The following NEDD9 variants were observed in gnomAD, a reference collection of about 807,000 sequenced individuals.
The protein encoded by NEDD9 is enhancer of filamentation 1.
In NEDD9, 26 loss-of-function variants were observed where a neutral mutation model predicts 76.6. That is an observed-to-expected ratio of 0.34 (90% CI 0.25 to 0.47). The LOEUF is 0.47. NEDD9 is among the 20% of genes least tolerant of loss of function. NEDD9 has a pLI of 1.00. For synonymous variants in NEDD9, 392 were observed against 414.2 expected, an observed-to-expected ratio of 0.95 and a Z score of 0.65; for missense variants, 937 against 1,058.5, an observed-to-expected ratio of 0.89 and a Z score of 1.59.
Position 11,213,180 on chromosome 6 carries a change from G to T in NEDD9, c.459+101C>A. 1.8e-6 allele frequency: 2 copies of T among 1,095,378 alleles called. No individual in the cohort carries two copies. Among genetic ancestry groups the T allele is most frequent in the Non-Finnish European group, 2.6e-6 (2 of 769,780 alleles). 67.9% of individuals were successfully genotyped at this position (1,095,378 alleles called of 1,614,324 possible). On this transcript the variant is annotated intron_variant, in intron 2 of 6. Transcript: ENST00000379446. The surrounding 1 kb of genome is among the most constrained non-coding windows in gnomAD (Gnocchi z 5.4). Reference sequence around the variant, plus strand: ...AAGGTATTGGTTATATCTACTTCTTGGCAGCTTCAAGTTATTAATTTGGGA... The same window carrying T: ...AAGGTATTGGTTATATCTACTTCTTTGCAGCTTCAAGTTATTAATTTGGGA...
intron 3 of NEDD9, among the ~76,000 whole-genome samples, chr6:11,269,401 T>C (rs10947076): frequency 0.2 from 31,013 of 152,226 alleles, 3,726 homozygotes; most frequent in African/African-American, 0.34. Context: ...ATCTAGTTTA[T>C]GGACTATTTC....
At chr6:11,373,413 C>G (rs1244155976) in intron 1 of NEDD9, among the ~76,000 whole-genome samples, 1 of 152,204 alleles carries the variant, frequency 6.6e-6, no homozygotes, top group Non-Finnish European at 1.5e-5. Flanking sequence ...CCTCTTTTCA[C>G]TATACCCCAA....
intron 1 of NEDD9, among the ~76,000 whole-genome samples, chr6:11,337,412 C>T (rs1762184573): frequency 1.3e-5 from 2 of 152,118 alleles, no homozygotes; most frequent in African/African-American, 4.8e-5. Flanking sequence ...AGACTGTACA[C>T]AATTATATGT....
intron 2 of NEDD9, among the ~76,000 whole-genome samples, chr6:11,317,038 C>G (rs1329879706): frequency 6.6e-6 from 1 of 152,084 alleles, no homozygotes; most frequent in Non-Finnish European, 1.5e-5. Context: ...GTCTGAGATT[C>G]AGAGAGAGAG....
At chr6:11,378,380 C>T (rs1016102582) in intron 1 of NEDD9, among the ~76,000 whole-genome samples, 3 of 152,148 alleles carry the variant, frequency 2.0e-5, no homozygotes, top group Non-Finnish European at 4.4e-5. Context: ...AAGCAGATGC[C>T]AGCACCATGC....
chr6:11,251,002 C>A (rs1759903724), intron 3 of NEDD9, among the ~76,000 whole-genome samples: 1 of 152,114 alleles, frequency 6.6e-6, no homozygotes, highest in Admixed American at 6.5e-5. Flanking sequence ...CAGAATTTTT[C>A]TGCTGTAAGG....
At chr6:11,353,526 G>A (rs1469992601) in intron 1 of NEDD9, among the ~76,000 whole-genome samples, 3 of 152,172 alleles carry the variant, frequency 2.0e-5, no homozygotes, top group South Asian at 2.1e-4. Context: ...AAAGAGCGTG[G>A]CCCTGCCAGC....
At chr6:11,265,039 C>A (rs1019089252) in intron 3 of NEDD9, among the ~76,000 whole-genome samples, 4 of 152,186 alleles carry the variant, frequency 2.6e-5, no homozygotes, top group Non-Finnish European at 5.9e-5. Flanking sequence ...TTATAGGGAC[C>A]TTTTAAGAAC....
chr6:11,267,544 C>T (rs1760222882), intron 3 of NEDD9, among the ~76,000 whole-genome samples: 2 of 152,112 alleles, frequency 1.3e-5, no homozygotes, highest in Non-Finnish European at 2.9e-5. Context: ...GAAAGCTGGG[C>T]TTTTAAGGCT....
intron 6 of NEDD9, among the ~76,000 whole-genome samples, chr6:11,187,849 C>A (rs146662687): frequency 6.6e-6 from 1 of 152,218 alleles, no homozygotes; most frequent in East Asian, 1.9e-4. Flanking sequence ...CCAGACCTGG[C>A]TCTATCTTCA....
At chr6:11,309,152 G>T (rs1273613043) in intron 2 of NEDD9, among the ~76,000 whole-genome samples, 2 of 152,162 alleles carry the variant, frequency 1.3e-5, no homozygotes, top group African/African-American at 4.8e-5. Context: ...TGGATAAATG[G>T]ATCACAGCAT....
intron 3 of NEDD9, among the ~76,000 whole-genome samples, chr6:11,297,395 T>A (rs1463067419): frequency 6.6e-6 from 1 of 152,196 alleles, no homozygotes; most frequent in African/African-American, 2.4e-5. Context: ...TGCTGAGGCT[T>A]CTTGTAAGGG....
chr6:11,362,199 G>A (rs1441511320), intron 1 of NEDD9, among the ~76,000 whole-genome samples: 1 of 152,202 alleles, frequency 6.6e-6, no homozygotes, highest in Non-Finnish European at 1.5e-5. Context: ...GCTGCCATGT[G>A]AGAATACAAT....
intron 3 of NEDD9, among the ~76,000 whole-genome samples, chr6:11,280,437 A>G (rs948647824): frequency 1.3e-5 from 2 of 152,178 alleles, no homozygotes; most frequent in African/African-American, 2.4e-5. Context: ...AGCAGTCAGA[A>G]CTGGCCAGGG....
intron 3 of NEDD9, among the ~76,000 whole-genome samples, chr6:11,285,180 G>A (rs1297714983): frequency 2.0e-5 from 3 of 152,166 alleles, no homozygotes; most frequent in Non-Finnish European, 2.9e-5. Flanking sequence ...AGCCTCTGGT[G>A]CCTTTAGCTT....
intron 3 of NEDD9, among the ~76,000 whole-genome samples, chr6:11,265,590 C>A (rs917203428): frequency 1.3e-5 from 2 of 152,102 alleles, no homozygotes; most frequent in Non-Finnish European, 1.5e-5. Context: ...GACTGGTCAC[C>A]TTTTTACAGA....
chr6:11,320,532 A>T (rs1005444808), intron 2 of NEDD9, among the ~76,000 whole-genome samples: 18 of 152,194 alleles, frequency 1.2e-4, no homozygotes, highest in Non-Finnish European at 8.8e-5. Flanking sequence ...CTCAAATGCC[A>T]TCCTCAGGAG....
At chr6:11,323,896 G>A (rs1191005180) in intron 2 of NEDD9, among the ~76,000 whole-genome samples, 1 of 152,208 alleles carries the variant, frequency 6.6e-6, no homozygotes, top group African/African-American at 2.4e-5. Flanking sequence ...ATCAGGAAAA[G>A]CATTCTTAGA....
chr6:11,327,839 C>T (rs969700476), intron 2 of NEDD9, among the ~76,000 whole-genome samples: 18 of 152,300 alleles, frequency 1.2e-4, no homozygotes, highest in African/African-American at 3.6e-4. Flanking sequence ...TGGCTTAAGT[C>T]GTCTTAATCC....
Sources: gnomAD v4.1 joint callset for allele counts (sites outside exome capture counted in the v4.1 genomes callset) on GRCh38, gnomAD v4.1.1 for gene constraint, Gnocchi (gnomAD v3.1) non-coding constraint, MANE v1.5 for transcripts, NCBI Gene and HGNC (gene_info 2026-07-23, HGNC 2026-07-21) for gene names.